Variants in AUTS2 observed in about 807,000 individuals in gnomAD.
The protein encoded by AUTS2 is activator of transcription and developmental regulator AUTS2.
In AUTS2, 17 loss-of-function variants were observed where a neutral mutation model predicts 112.4. The ratio of observed to expected loss-of-function variants is 0.15; its 90% confidence interval spans 0.10 to 0.23. The LOEUF (loss-of-function observed/expected upper bound fraction) is 0.23, where lower values mean the gene tolerates loss of function less well. AUTS2 is among the 10% of genes least tolerant of loss of function. The pLI is 1.00. For missense variants in AUTS2, 1,510 were observed against 1,701.6 expected, an observed-to-expected ratio of 0.89 and a Z score of 1.98; for synonymous variants, 751 against 702.7, an observed-to-expected ratio of 1.07 and a Z score of -1.09.
intron 1 of AUTS2, among the ~76,000 whole-genome samples, chr7:69,767,663 T>C (rs937972799): frequency 1.3e-5 from 2 of 152,220 alleles, no homozygotes; most frequent in Admixed American, 6.5e-5. Context: ...ACCCATTGTA[T>C]GTGCAGTGGC....
At chr7:70,472,142 C>G (rs77118155) in intron 5 of AUTS2, among the ~76,000 whole-genome samples, 1 of 152,204 alleles carries the variant, frequency 6.6e-6, no homozygotes, top group African/African-American at 2.4e-5. Flanking sequence ...TACATTGTCA[C>G]TGTGCTACTC....
intron 1 of AUTS2, among the ~76,000 whole-genome samples, chr7:69,688,979 G>T (rs186116373): frequency 6.6e-6 from 1 of 152,178 alleles, no homozygotes; most frequent in Non-Finnish European, 1.5e-5. Flanking sequence ...TAGATAATTT[G>T]ATTTTCTTTT....
chr7:70,246,695 G>A (rs997625912), intron 4 of AUTS2, among the ~76,000 whole-genome samples: 1 of 151,438 alleles, frequency 6.6e-6, no homozygotes, highest in Non-Finnish European at 1.5e-5. Flanking sequence ...ACTCTTCCGT[G>A]TAAATTTTAG....
At chr7:70,278,407 A>G (rs891878055) in intron 4 of AUTS2, among the ~76,000 whole-genome samples, 1 of 151,980 alleles carries the variant, frequency 6.6e-6, no homozygotes, top group Non-Finnish European at 1.5e-5. Flanking sequence ...ACATAGTAAA[A>G]CTTCATCTCT....
intron 2 of AUTS2, among the ~76,000 whole-genome samples, chr7:70,056,660 C>T (rs1315051421): frequency 6.6e-6 from 1 of 152,140 alleles, no homozygotes; most frequent in Admixed American, 6.5e-5. Flanking sequence ...GTTTCTACAA[C>T]CTGCATTGAG....
intron 1 of AUTS2, among the ~76,000 whole-genome samples, chr7:69,672,617 T>C (rs1796386922): frequency 5.9e-5 from 9 of 152,228 alleles, no homozygotes; most frequent in Admixed American, 5.9e-4. Context: ...GAGGAGAGGA[T>C]AAGCTACCTG....
chr7:70,614,958 C>G (rs1804279312), intron 5 of AUTS2, among the ~76,000 whole-genome samples: 1 of 152,210 alleles, frequency 6.6e-6, no homozygotes, highest in African/African-American at 2.4e-5. Flanking sequence ...TCTCTGCCTT[C>G]CAGACTGGAC....
intron 2 of AUTS2, among the ~76,000 whole-genome samples, chr7:70,116,824 T>G (rs1805379282): frequency 1.3e-5 from 2 of 152,210 alleles, no homozygotes; most frequent in Admixed American, 1.3e-4. Context: ...GAACATGTAT[T>G]TCCTTGTGGT....
intron 4 of AUTS2, among the ~76,000 whole-genome samples, chr7:70,193,219 A>T (rs898486072): frequency 1.3e-5 from 2 of 152,038 alleles, no homozygotes; most frequent in Non-Finnish European, 2.9e-5. Context: ...AACCTACACA[A>T]CTCTGAGCCT....
At chr7:69,789,512 C>CT (rs1184662044) in intron 1 of AUTS2, among the ~76,000 whole-genome samples, 1 of 152,182 alleles carries the variant, frequency 6.6e-6, no homozygotes, top group Non-Finnish European at 1.5e-5. Context: ...TCTTAGAACT[C>CT]TGAGACTTGT....
At chr7:69,782,610 C>T (rs2129315448) in intron 1 of AUTS2, among the ~76,000 whole-genome samples, 1 of 152,048 alleles carries the variant, frequency 6.6e-6, no homozygotes, top group Admixed American at 6.5e-5. Flanking sequence ...GGTTGGTATG[C>T]ACTCGAGAAC....
intron 6 of AUTS2, among the ~76,000 whole-genome samples, chr7:70,752,875 TC>T (rs1161562034): frequency 6.6e-5 from 10 of 152,172 alleles, no homozygotes; most frequent in African/African-American, 2.4e-4. Context: ...TGTTTGCAAG[TC>T]CAGGTTGACC....
chr7:69,888,259 G>A (rs1037238122), intron 1 of AUTS2, among the ~76,000 whole-genome samples: 1 of 151,754 alleles, frequency 6.6e-6, no homozygotes, highest in African/African-American at 2.4e-5. Flanking sequence ...AATGGTGCTG[G>A]CATCTGCTTG....
chr7:69,915,128 C>T (rs907520004), intron 2 of AUTS2, among the ~76,000 whole-genome samples: 1 of 152,144 alleles, frequency 6.6e-6, no homozygotes, highest in Non-Finnish European at 1.5e-5. Context: ...GAGGCTGAGG[C>T]TGGCAGATTA....
At chr7:70,104,128 A>G (rs1248750678) in intron 2 of AUTS2, among the ~76,000 whole-genome samples, 1 of 148,674 alleles carries the variant, frequency 6.7e-6, no homozygotes, top group Non-Finnish European at 1.5e-5. Flanking sequence ...TGTCCAGGCT[A>G]TTTTGGGCAA....
chr7:69,863,468 T>C (rs993227883), intron 1 of AUTS2, among the ~76,000 whole-genome samples: 4 of 152,160 alleles, frequency 2.6e-5, no homozygotes, highest in South Asian at 2.1e-4. Flanking sequence ...TGTATTCATA[T>C]AAATATATAG....
intron 4 of AUTS2, among the ~76,000 whole-genome samples, chr7:70,196,230 G>A (rs1810167275): frequency 6.6e-6 from 1 of 152,238 alleles, no homozygotes; most frequent in African/African-American, 2.4e-5. Flanking sequence ...TGTTTAGGCA[G>A]ACTGTGTCCC....
At chr7:70,238,470 T>G (rs1812439987) in intron 4 of AUTS2, among the ~76,000 whole-genome samples, 2 of 152,162 alleles carry the variant, frequency 1.3e-5, no homozygotes, top group African/African-American at 4.8e-5. Context: ...CCTCCCTTCT[T>G]ATTTACTTTC....
chr7:70,107,356 T>TTTC (rs1162618281), intron 2 of AUTS2, among the ~76,000 whole-genome samples: 4 of 147,980 alleles, frequency 2.7e-5, no homozygotes, highest in Non-Finnish European at 4.5e-5. Context: ...TTTTTTTTTT[T>TTTC]TTCTTTGAGA....
Sources: gnomAD v4.1 joint callset for allele counts (sites outside exome capture counted in the v4.1 genomes callset) on GRCh38, gnomAD v4.1.1 for gene constraint, MANE v1.5 for transcripts, NCBI Gene and HGNC (gene_info 2026-07-23, HGNC 2026-07-21) for gene names.